The following SHC4 variants were observed in gnomAD, a reference collection of about 807,000 sequenced individuals.
SHC4 encodes the protein SHC adaptor protein 4.
In SHC4, 41 loss-of-function variants were observed where a neutral mutation model predicts 69.4. The ratio of observed to expected loss-of-function variants is 0.59; its 90% CI spans 0.46 to 0.77. The LOEUF is 0.77. SHC4 is among the 30% of genes least tolerant of loss of function. SHC4 has a pLI of 0.00. For synonymous variants in SHC4, 318 were observed against 299.3 expected, an observed-to-expected ratio of 1.06 and a Z score of -0.64; for missense variants, 777 against 783.8, an observed-to-expected ratio of 0.99 and a Z score of 0.10.
intron 2 of SHC4, among the ~76,000 whole-genome samples, chr15:48,903,241 A>G (rs1900347383): frequency 6.6e-6 from 1 of 152,212 alleles, no homozygotes. Context: ...GAAATGGAAT[A>G]AATCTGCCTG....
intron 9 of SHC4, among the ~76,000 whole-genome samples, chr15:48,844,648 C>T (rs944125917): frequency 2.0e-5 from 3 of 152,168 alleles, no homozygotes; most frequent in Non-Finnish European, 2.9e-5. Flanking sequence ...GTGTCCCCAC[C>T]CAAATCTCAC....
chr15:48,825,958 T>C lies in SHC4; in HGVS notation c.*13A>G, dbSNP rs1898679709. 6.2e-7 allele frequency: 1 copy of C among 1,610,422 alleles called. No homozygotes were observed. Among genetic ancestry groups the C allele is most frequent in the Non-Finnish European group, 8.5e-7 (1 of 1,178,676 alleles). On this transcript the variant is annotated 3_prime_UTR_variant, in exon 12 of 12. Transcript: ENST00000332408. ...GTTTCTTGAAATATCAGTGTGATGG[T>C]GCTTCAATACTGTCATTTGTTGGAA...
At chr15:48,871,869 C>T (rs1567057835) in intron 5 of SHC4, 1 of 433,166 alleles carries the variant, frequency 2.3e-6, no homozygotes, top group Non-Finnish European at 4.1e-6. Context: ...TCTACTAATC[C>T]AAGTATTTTA....
At chr15:48,929,831 A>G (rs1900924004) in intron 1 of SHC4, among the ~76,000 whole-genome samples, 2 of 152,174 alleles carry the variant, frequency 1.3e-5, no homozygotes, top group Admixed American at 6.6e-5. Context: ...TGCTCAGACA[A>G]CCTGCCCATT....
chr15:48,828,755 T>C (rs560983711), intron 11 of SHC4, among the ~76,000 whole-genome samples: 2 of 152,344 alleles, frequency 1.3e-5, no homozygotes, highest in African/African-American at 4.8e-5. Flanking sequence ...TTCCTGATGA[T>C]TAATGATGTT....
chr15:48,864,210 A>G (rs1255626105), intron 6 of SHC4, among the ~76,000 whole-genome samples: 3 of 152,110 alleles, frequency 2.0e-5, no homozygotes, highest in Non-Finnish European at 4.4e-5. Flanking sequence ...ATTGCATATG[A>G]TATCTCATTA....
At chr15:48,915,342 A>T (rs1037984162) in intron 2 of SHC4, among the ~76,000 whole-genome samples, 11 of 151,882 alleles carry the variant, frequency 7.2e-5, no homozygotes, top group African/African-American at 2.7e-4. Context: ...ATTGATTGGA[A>T]TTTTTTTTTA....
intron 6 of SHC4, 90 bp from the exon 7 acceptor site, chr15:48,857,905 G>T: frequency 1.9e-6 from 2 of 1,037,780 alleles, no homozygotes; most frequent in Non-Finnish European, 2.6e-6. Context: ...ACCATGAACT[G>T]ATAATTGAAT....
intron 2 of SHC4, among the ~76,000 whole-genome samples, chr15:48,896,261 CCTCCCT>C (rs1362503472): frequency 7.4e-6 from 1 of 135,500 alleles, no homozygotes; most frequent in Non-Finnish European, 1.6e-5. Flanking sequence ...TCTCTCTCTC[CCTCCCT>C]CTCCCTCTCT....
rs116384443 is a variant in SHC4, at chr15:48,874,537, G to C, written c.841-2395C>G. On this transcript the variant is annotated intron_variant, in intron 4 of 11. Transcript: ENST00000332408. ...CAGTGGCGACATTAGATTCTCATAGGAGAATGAACCCTATTGTGAACTACA... is the reference window on the plus strand; with the variant it reads ...CAGTGGCGACATTAGATTCTCATAGCAGAATGAACCCTATTGTGAACTACA... Among the ~76,000 whole-genome samples the C allele has an allele frequency of 3.3e-3, 495 of 152,282 alleles. 1 individual carries two copies. Among genetic ancestry groups the C allele is most frequent in the African/African-American group, 0.011 (465 of 41,554 alleles).
intron 4 of SHC4, chr15:48,877,198 T>G (rs756795663): frequency 6.4e-6 from 1 of 156,192 alleles, no homozygotes; most frequent in Non-Finnish European, 1.4e-5. Context: ...GATTACAGAA[T>G]AGACCGGACA....
At chr15:48,944,163 G>T (rs755439419) in intron 1 of SHC4, among the ~76,000 whole-genome samples, 9 of 152,176 alleles carry the variant, frequency 5.9e-5, no homozygotes, top group Non-Finnish European at 1.2e-4. Context: ...GCTCTGCCCA[G>T]CTCTGTGTGC....
At chr15:48,882,815 T>C (rs545828234) in intron 4 of SHC4, among the ~76,000 whole-genome samples, 6 of 152,262 alleles carry the variant, frequency 3.9e-5, no homozygotes, top group African/African-American at 1.4e-4. Flanking sequence ...GAAAATAAAT[T>C]TTGCATCTAC....
chr15:48,878,059 A>G, intron 4 of SHC4: 1 of 1,346,470 alleles, frequency 7.4e-7, no homozygotes, highest in Non-Finnish European at 1.0e-6. Flanking sequence ...GTACCTGAGG[A>G]CCACGCCTGC....
chr15:48,962,466 G>A lies in SHC4; in HGVS notation c.550C>T (p.His184Tyr). ...RSRQDRHFLQ[H>Y]LLGMGMNYCV... The stretch of plus-strand genomic sequence containing the variant: ...TAGTTCATGCCCATCCCCAACAGGT[G>A]CTGTAGAAAGTGCCTGTCCTGCCTG... The change falls in exon 1 of 12, where the codon CAC (histidine) becomes TAC (tyrosine). Residue 184 changes from histidine (H) to tyrosine (Y), a missense_variant. Transcript: ENST00000332408. 2 of 1,530,264 alleles carry A rather than the reference G, an allele frequency of 1.3e-6. No homozygotes were observed. The highest frequency in any genetic ancestry group is 1.8e-6 in the Non-Finnish European group (2 of 1,140,740). The allele number at this position is 1,530,264 out of a possible 1,614,324, so 94.8% of individuals were successfully genotyped here.
At chr15:48,832,955 T>G (rs956074454) in intron 11 of SHC4, among the ~76,000 whole-genome samples, 1 of 152,212 alleles carries the variant, frequency 6.6e-6, no homozygotes, top group African/African-American at 2.4e-5. Flanking sequence ...TGGATGGTAT[T>G]ATTGAGCTCA....
chr15:48,856,817 T>G (rs1289140572), intron 7 of SHC4, among the ~76,000 whole-genome samples: 1 of 151,264 alleles, frequency 6.6e-6, no homozygotes, highest in African/African-American at 2.4e-5. Flanking sequence ...CTATTTGGAT[T>G]GAACTGATTC....
chr15:48,960,533 G>C (rs1283469765), intron 1 of SHC4, among the ~76,000 whole-genome samples: 1 of 152,200 alleles, frequency 6.6e-6, no homozygotes, highest in Non-Finnish European at 1.5e-5. Flanking sequence ...ATCTGCTTTA[G>C]AGGTTTTAGT....
intron 10 of SHC4, among the ~76,000 whole-genome samples, chr15:48,836,331 ATCTT>A (rs1458174255): frequency 6.6e-5 from 10 of 152,236 alleles, no homozygotes; most frequent in African/African-American, 2.4e-4. Flanking sequence ...GGATGTGAAA[ATCTT>A]TCTTTTAGTA....
Sources: allele counts gnomAD v4.1 joint callset (sites outside exome capture counted in the v4.1 genomes callset), GRCh38; gene constraint gnomAD v4.1.1; transcripts MANE v1.5; gene names NCBI Gene and HGNC (gene_info 2026-07-23, HGNC 2026-07-21).